The following RUVBL2 variants were observed in gnomAD, a reference collection of about 807,000 sequenced individuals.
RUVBL2 encodes ruvB-like 2.
A neutral mutation model predicts 57.9 loss-of-function variants in RUVBL2; 9 were observed. The ratio of observed to expected loss-of-function variants is 0.16; its 90% confidence interval spans 0.09 to 0.27. RUVBL2 has a LOEUF of 0.27. Among genes scored for constraint, RUVBL2 ranks in the 10% least tolerant of loss-of-function variants. The pLI is 1.00. For synonymous variants in RUVBL2, 278 were observed against 264.6 expected, an observed-to-expected ratio of 1.05 and a Z score of -0.49; for missense variants, 456 against 669.6, an observed-to-expected ratio of 0.68 and a Z score of 3.52.
intron 2 of RUVBL2, among the ~76,000 whole-genome samples, chr19:48,999,825 C>T (rs917468185): frequency 6.6e-6 from 1 of 152,164 alleles, no homozygotes; most frequent in Non-Finnish European, 1.5e-5. Context: ...CTCGCAGTAG[C>T]CGCATGAGGT....
intron 6 of RUVBL2, among the ~76,000 whole-genome samples, chr19:49,008,195 G>A (rs2039323041): frequency 6.7e-6 from 1 of 149,374 alleles, no homozygotes; most frequent in African/African-American, 2.4e-5. Flanking sequence ...TATTTTTTAG[G>A]CATGTTGTTT....
In RUVBL2 at chr19:49,011,013, A is replaced by G. The variant is rs971490224; in HGVS notation, c.802A>G (p.Ile268Val). ...LALFSGDTGE[I>V]KSEVREQINA... is the part of the protein sequence containing the mutation. ...GCCTCCCATAGGTGACACAGGGGAG[A>G]TCAAGTCAGAAGTCCGTGAGCAGAT... Residue 268 changes from isoleucine to valine, a missense_variant, in exon 10 of 15, where the codon ATC (isoleucine) becomes GTC (valine). Around this residue, in one of 5 missense-constraint regions of RUVBL2, gnomAD observed 130 missense variants for 243.0 expected, o/e 0.53. Coordinates refer to ENST00000595090, the MANE Select transcript of RUVBL2 (RefSeq NM_006666.3). This position sits in a 1 kb window ranked among gnomAD's most constrained non-coding sequence, Gnocchi z 4.4. The G allele has an allele frequency of 1.3e-5, 21 of 1,612,346 alleles. No homozygotes were observed. The highest frequency in any genetic ancestry group is 1.3e-5 in the Non-Finnish European group (15 of 1,179,760).
chr19:49,013,853 G>A (rs962346456), intron 11 of RUVBL2, among the ~76,000 whole-genome samples: 1 of 152,248 alleles, frequency 6.6e-6, no homozygotes, highest in Non-Finnish European at 1.5e-5. Flanking sequence ...GGCGGAGGTT[G>A]CAGTGAGCCG....
At chr19:49,009,215 G>A (rs888330626) in intron 6 of RUVBL2, among the ~76,000 whole-genome samples, 3 of 130,710 alleles carry the variant, frequency 2.3e-5, no homozygotes, top group African/African-American at 8.7e-5. Flanking sequence ...TTCACCAGGC[G>A]CAGTAGCTCA....
At chr19:49,008,980 A>G (rs1478943960) in intron 6 of RUVBL2, among the ~76,000 whole-genome samples, 1 of 151,464 alleles carries the variant, frequency 6.6e-6, no homozygotes, top group Non-Finnish European at 1.5e-5. Flanking sequence ...ACTCCATCTC[A>G]AAAATAAATA....
chr19:49,000,567 TAAATA>T (rs200172557), intron 2 of RUVBL2, among the ~76,000 whole-genome samples: 1,835 of 142,406 alleles, frequency 0.013, 37 homozygotes, highest in African/African-American at 0.046. Flanking sequence ...AATAAATAAA[TAAATA>T]AAAGTGCCGA....
rs115452754 is a variant in RUVBL2, at chr19:49,003,465, A to G, written c.123+131A>G. On this transcript the variant is annotated intron_variant, in intron 3 of 14. Coordinates refer to ENST00000595090, the MANE Select transcript of RUVBL2 (RefSeq NM_006666.3). ...CTTTGGCTACATACCCATAAACTTC[A>G]ACCACATGTGGGTTTTCTTGGTACT... is the stretch of plus-strand genomic sequence containing the variant. 1,001 of 773,688 alleles carry G rather than the reference A, an allele frequency of 1.3e-3. 6 individuals are homozygous for G. The African/African-American group carries it at 0.015, about 12-fold the overall frequency. The allele number at this position is 773,688 out of a possible 1,614,324, so 47.9% of individuals were successfully genotyped here.
Position 49,014,579 on chromosome 19 carries a change from A to T in RUVBL2, c.1097A>T (p.Asp366Val). 1 of 1,614,096 alleles carries T rather than the reference A, an allele frequency of 6.2e-7. No homozygotes were observed. The highest frequency in any genetic ancestry group is 8.5e-7 in the Non-Finnish European group (1 of 1,180,004). The change falls in exon 12 of 15, where the codon GAC (aspartate) becomes GTC (valine). Residue 366 changes from aspartate to valine, a missense_variant. Coordinates refer to ENST00000595090, the MANE Select transcript of RUVBL2 (RefSeq NM_006666.3). ...TCCACCACCCCCTACAGCGAGAAAG[A>T]CACGAAGCAGATCCTCCGCATCCGG... Reference protein sequence around the residue: ...IVSTTPYSEKDTKQILRIRCE... With the variant: ...IVSTTPYSEKVTKQILRIRCE...
intron 6 of RUVBL2, 58 bp from the exon 7 acceptor site, chr19:49,009,718 A>G (rs2039367297): frequency 6.9e-7 from 1 of 1,448,574 alleles, no homozygotes; most frequent in African/African-American, 1.4e-5. Flanking sequence ...CACTGGGGGC[A>G]CTGGGGCAAC....
In RUVBL2 at chr19:49,008,918, G is replaced by A. The variant is rs536135930; in HGVS notation, c.463-858G>A. On this transcript the variant is annotated intron_variant, in intron 6 of 14. Transcript: ENST00000595090. ...CGCTTGAATCTGGGAGGCAGAAGTTGCAGTAAGCCGAGATCACACCATTGC... is the reference window on the plus strand; with the variant it reads ...CGCTTGAATCTGGGAGGCAGAAGTTACAGTAAGCCGAGATCACACCATTGC... Among the ~76,000 whole-genome samples the A allele has an allele frequency of 6.9e-4, 105 of 152,052 alleles. 1 individual carries two copies. In the South Asian group the frequency reaches 0.021, roughly 31 times the overall value.
Position 49,010,482 on chromosome 19 carries a change from C to CCCAA in RUVBL2, c.664-5_664-4insCAAC. 6.2e-7 allele frequency: 1 copy of CCCAA among 1,605,476 alleles called. No homozygotes were observed. Among genetic ancestry groups the CCCAA allele is most frequent in the Non-Finnish European group, 8.5e-7 (1 of 1,173,110 alleles). ...CCGCCGTTCTTCCCCCACCCCCGCC[C>CCCAA]CATAGACCAAGTTCGTGCAGTGCCC... is the stretch of plus-strand genomic sequence containing the variant. On this transcript the variant is annotated splice_polypyrimidine_tract_variant and splice_region_variant and intron_variant, in intron 8 of 14. Coordinates refer to ENST00000595090, the MANE Select transcript of RUVBL2 (RefSeq NM_006666.3).
At chr19:49,000,292 T>G (rs2039152957) in intron 2 of RUVBL2, among the ~76,000 whole-genome samples, 1 of 152,254 alleles carries the variant, frequency 6.6e-6, no homozygotes. Flanking sequence ...CAGTGGCTCA[T>G]GCCTGTAATT....
chr19:49,010,467 T>TGCCCCCCCC, intron 8 of RUVBL2, 21 bp from the exon 9 acceptor site: 87 of 1,401,140 alleles, frequency 6.2e-5, no homozygotes, highest in Non-Finnish European at 8.1e-5. Flanking sequence ...CCGCCGTTCT[T>TGCCCCCCCC]CCCCCACCCC....
At chr19:49,003,229 G>C (rs768586633) in intron 2 of RUVBL2, 50 bp from the exon 3 acceptor site, 90 of 1,540,500 alleles carry the variant, frequency 5.8e-5, no homozygotes, top group Non-Finnish European at 7.8e-5. Context: ...CAGGCCACAT[G>C]TGCAGCAAGC....
chr19:49,009,919 A>G, intron 7 of RUVBL2, 37 bp downstream of exon 7: 2 of 1,611,768 alleles, frequency 1.2e-6, no homozygotes, highest in Non-Finnish European at 8.5e-7. Context: ...AGCCAGGGGG[A>G]TGGGCGAGCT....
chr19:49,015,901 CTG>C lies in RUVBL2; in HGVS notation c.*61_*62del. 4 of 1,614,058 alleles carry C rather than the reference CTG, an allele frequency of 2.5e-6. No individual in the cohort carries two copies. Among genetic ancestry groups the C allele is most frequent in the Non-Finnish European group, 3.4e-6 (4 of 1,179,904 alleles). On this transcript the variant is annotated 3_prime_UTR_variant, in exon 15 of 15. Coordinates refer to ENST00000595090, the MANE Select transcript of RUVBL2 (RefSeq NM_006666.3). ...CCACCAGAGTTCTGACACTGTGACT[CTG>C]TATAAAATGGTTGGGAAGCTGCACC...
intron 1 of RUVBL2, among the ~76,000 whole-genome samples, chr19:48,995,914 G>A (rs1416536639): frequency 6.6e-6 from 1 of 151,470 alleles, no homozygotes; most frequent in African/African-American, 2.4e-5. Context: ...TTGAACCCGG[G>A]AGGCGAAGGT....
At chr19:49,004,520 A>G in intron 4 of RUVBL2, 102 bp downstream of exon 4, 1 of 1,146,728 alleles carries the variant, frequency 8.7e-7, no homozygotes, top group Non-Finnish European at 1.2e-6. Flanking sequence ...ATGACCCAAA[A>G]TGGCAGTGGC....
rs761161758 is a variant in RUVBL2, at chr19:49,015,967, G to T, written c.*125G>T. Reference sequence around the variant, plus strand: ...TGTGGTTGCCCTGAGCCCACAGAAAGACACCTCCAGAGTGCGGATTGAGAA... The same window carrying T: ...TGTGGTTGCCCTGAGCCCACAGAAATACACCTCCAGAGTGCGGATTGAGAA... On this transcript the variant is annotated 3_prime_UTR_variant, in exon 15 of 15. Coordinates refer to ENST00000595090, the MANE Select transcript of RUVBL2 (RefSeq NM_006666.3). 8 of 1,614,232 alleles carry T rather than the reference G, an allele frequency of 5.0e-6. No homozygotes were observed. Among genetic ancestry groups the T allele is most frequent in the Admixed American group, 1.7e-5 (1 of 60,026 alleles).
Sources: allele counts gnomAD v4.1 joint callset (sites outside exome capture counted in the v4.1 genomes callset), GRCh38; gene constraint gnomAD v4.1.1; regional missense constraint gnomAD v4.1.1; non-coding constraint Gnocchi (gnomAD v3.1); transcripts MANE v1.5; gene names NCBI Gene and HGNC (gene_info 2026-07-23, HGNC 2026-07-21).